PPFIA1: variants seen among roughly 807,000 people sequenced by gnomAD.
The protein encoded by PPFIA1 is PPFI scaffold protein A1.
In PPFIA1, 25 loss-of-function variants were observed where a neutral mutation model predicts 149.9. That is an observed-to-expected ratio of 0.17 (90% CI 0.12 to 0.23). The LOEUF is 0.23. Among genes scored for constraint, PPFIA1 ranks in the 10% least tolerant of loss-of-function variants. The pLI is 1.00. For missense variants in PPFIA1, 1,362 were observed against 1,506.5 expected (o/e 0.90, Z 1.59); for synonymous variants, 549 against 552.8 (o/e 0.99, Z 0.10).
intron 2 of PPFIA1, among the ~76,000 whole-genome samples, chr11:70,284,544 C>T (rs1459900450): frequency 2.0e-5 from 3 of 152,148 alleles, no homozygotes; most frequent in African/African-American, 7.2e-5. Context: ...TACCCATGCT[C>T]AAAGCAGGTG....
In PPFIA1 at chr11:70,356,150, C is replaced by T. The variant is rs764544872; in HGVS notation, c.2489-11C>T. Reference sequence around the variant, plus strand: ...TGATTTTTACTTCTGGGCTGTTCTGCTTCCTCACAGCTGGTGTTTCCGAGA... The same window carrying T: ...TGATTTTTACTTCTGGGCTGTTCTGTTTCCTCACAGCTGGTGTTTCCGAGA... On this transcript the variant is annotated splice_polypyrimidine_tract_variant and intron_variant, in intron 18 of 27. Coordinates refer to ENST00000253925, the MANE Select transcript of PPFIA1 (RefSeq NM_003626.5). The T allele has an allele frequency of 4.2e-5, 67 of 1,609,448 alleles. 1 individual carries two copies. The South Asian group carries it at 6.2e-4, about 15-fold the overall frequency.
chr11:70,323,425 G>A (rs905570476), intron 2 of PPFIA1, among the ~76,000 whole-genome samples: 76 of 152,132 alleles, frequency 5.0e-4, no homozygotes, highest in African/African-American at 1.8e-3. Context: ...ATTCCAGAAT[G>A]GAGGCTGGAC....
chr11:70,283,196 C>G (rs965440194), intron 2 of PPFIA1, among the ~76,000 whole-genome samples: 15 of 151,292 alleles, frequency 9.9e-5, no homozygotes, highest in Non-Finnish European at 1.8e-4. Context: ...GGGCTTCTCT[C>G]TAATTTCATT....
intron 2 of PPFIA1, among the ~76,000 whole-genome samples, chr11:70,309,998 A>T (rs2053152411): frequency 6.6e-6 from 1 of 152,178 alleles, no homozygotes; most frequent in Non-Finnish European, 1.5e-5. Flanking sequence ...TAGGATGGAG[A>T]ATTTTATGTG....
At chr11:70,351,345 A>G (rs2056044459) in intron 16 of PPFIA1, among the ~76,000 whole-genome samples, 1 of 152,230 alleles carries the variant, frequency 6.6e-6, no homozygotes, top group Non-Finnish European at 1.5e-5. Flanking sequence ...TATAGAATGT[A>G]GATGCGGGGG....
intron 19 of PPFIA1, among the ~76,000 whole-genome samples, 180 bp from the exon 20 acceptor site, chr11:70,361,915 A>G (rs975902280): frequency 3.3e-5 from 5 of 151,320 alleles, no homozygotes. Flanking sequence ...GTGTGTCACT[A>G]CACCTTGCAA....
chr11:70,315,403 C>A (rs1214215173), intron 2 of PPFIA1, among the ~76,000 whole-genome samples: 1 of 152,130 alleles, frequency 6.6e-6, no homozygotes, highest in Admixed American at 6.5e-5. Context: ...GACTGACGGG[C>A]AGATAGATAT....
At position 70,280,229 on chromosome 11, in the gene PPFIA1, C is replaced by T. The variant is rs138217584; in HGVS notation, c.264+7793C>T. Among the ~76,000 whole-genome samples, 1,257 of 146,340 alleles carry T rather than the reference C, an allele frequency of 8.6e-3. 11 individuals carry two copies. The highest frequency in any genetic ancestry group is 0.031 in the African/African-American group (1,191 of 38,108). On this transcript the variant is annotated intron_variant, in intron 2 of 27. Coordinates refer to ENST00000253925, the MANE Select transcript of PPFIA1 (RefSeq NM_003626.5). ...GTATATATGTGTGTATATATATATA[C>T]GTACATACATATATATATATAAATA...
chr11:70,341,328 A>G (rs780787707), intron 14 of PPFIA1, among the ~76,000 whole-genome samples: 4 of 151,466 alleles, frequency 2.6e-5, no homozygotes, highest in African/African-American at 7.3e-5. Flanking sequence ...GAAGGAGCAC[A>G]TGGAGCGTGT....
At chr11:70,357,778 G>A (rs1353688811) in intron 19 of PPFIA1, among the ~76,000 whole-genome samples, 1 of 151,942 alleles carries the variant, frequency 6.6e-6, no homozygotes, top group Non-Finnish European at 1.5e-5. Flanking sequence ...TAGTAGAGAC[G>A]GGGTTTCACC....
rs537755341 is a variant in PPFIA1, at chr11:70,300,719, G to C, written c.265-23683G>C. ...CAGCTAATTTTATGTATTTTTAGTA[G>C]AGACAGGGTTTCACCATGTTGGCCA... On this transcript the variant is annotated intron_variant, in intron 2 of 27. Coordinates refer to ENST00000253925, the MANE Select transcript of PPFIA1 (RefSeq NM_003626.5). 3.9e-4 allele frequency among the ~76,000 whole-genome samples: 59 copies of C among 152,172 alleles called. No individual in the cohort carries two copies. The East Asian group carries it at 0.011, about 28-fold the overall frequency.
At chr11:70,334,889 G>T (rs1325814384) in intron 10 of PPFIA1, among the ~76,000 whole-genome samples, 1 of 152,150 alleles carries the variant, frequency 6.6e-6, no homozygotes, top group Non-Finnish European at 1.5e-5. Flanking sequence ...ACCTGGACAG[G>T]TGCCACCTAC....
At chr11:70,280,591 C>T (rs1591033246) in intron 2 of PPFIA1, among the ~76,000 whole-genome samples, 1 of 152,078 alleles carries the variant, frequency 6.6e-6, no homozygotes, top group Admixed American at 6.6e-5. Flanking sequence ...AAAAGACAGG[C>T]ACCCTGTTGT....
chr11:70,358,279 T>C (rs2056453439), intron 19 of PPFIA1: 1 of 152,038 alleles, frequency 6.6e-6, no homozygotes, highest in Non-Finnish European at 1.5e-5. Context: ...TGGAGTGCAA[T>C]GGCACGATCC....
intron 7 of PPFIA1, among the ~76,000 whole-genome samples, chr11:70,328,542 G>A (rs1194809904): frequency 3.9e-5 from 6 of 152,080 alleles, no homozygotes; most frequent in East Asian, 1.9e-4. Flanking sequence ...GTGAACATAC[G>A]TGTGCGTGTG....
At chr11:70,295,520 C>T (rs1274368804) in intron 2 of PPFIA1, among the ~76,000 whole-genome samples, 1 of 138,380 alleles carries the variant, frequency 7.2e-6, no homozygotes, top group African/African-American at 2.8e-5. Flanking sequence ...TGACCCCCCC[C>T]ACCTCCCTCC....
At chr11:70,353,250 A>T (rs2137311732) in intron 16 of PPFIA1, among the ~76,000 whole-genome samples, 1 of 152,322 alleles carries the variant, frequency 6.6e-6, no homozygotes, top group South Asian at 2.1e-4. Flanking sequence ...ACGTGCTTGT[A>T]GTCCCACCTA....
chr11:70,335,061 C>T (rs570695141), intron 10 of PPFIA1, among the ~76,000 whole-genome samples: 14 of 152,196 alleles, frequency 9.2e-5, no homozygotes, highest in African/African-American at 1.4e-4. Context: ...ATTTCCATTA[C>T]GAGAAATTTA....
chr11:70,351,386 T>C (rs748309419), intron 16 of PPFIA1, among the ~76,000 whole-genome samples: 23 of 152,234 alleles, frequency 1.5e-4, no homozygotes, highest in Middle Eastern at 3.2e-3. Flanking sequence ...ACAGCTAGCA[T>C]TGGGCTCTTG....
Sources: allele counts gnomAD v4.1 joint callset (sites outside exome capture counted in the v4.1 genomes callset), GRCh38; gene constraint gnomAD v4.1.1; transcripts MANE v1.5; gene names NCBI Gene and HGNC (gene_info 2026-07-23, HGNC 2026-07-21).